Variants in C2orf49 observed in about 807,000 individuals in gnomAD.
C2orf49 encodes the protein tRNA-splicing ligase complex subunit ASW.
In C2orf49, 11 loss-of-function variants were observed where a neutral mutation model predicts 20.6. The observed-to-expected ratio is 0.53, with a 90% CI of 0.34 to 0.88. C2orf49 has a LOEUF of 0.88. Ranked by LOEUF, C2orf49 falls within the 40% of genes least tolerant of loss-of-function variation. The pLI, the probability that C2orf49 is intolerant of heterozygous loss-of-function variation, is 0.02. For missense variants in C2orf49, 289 were observed against 274.2 expected, an observed-to-expected ratio of 1.05 and a Z score of -0.38; for synonymous variants, 134 against 108.5, an observed-to-expected ratio of 1.24 and a Z score of -1.46.
chr2:105,384,845 G>A, the C2orf49 span, among the ~76,000 whole-genome samples: 21 of 152,278 alleles, frequency 1.4e-4, 1 homozygote, highest in Admixed American at 1.2e-3. Context: ...AGATGTGCAC[G>A]GAAGGGTCAA....
At chr2:105,362,472 T>A in the C2orf49 span, among the ~76,000 whole-genome samples, 1 of 152,144 alleles carries the variant, frequency 6.6e-6, no homozygotes, top group Non-Finnish European at 1.5e-5. Flanking sequence ...TTTCTGTAGT[T>A]ACACTGAAAA....
At chr2:105,355,770 TTGTGTGTGTG>T in the C2orf49 span, among the ~76,000 whole-genome samples, 14,038 of 143,096 alleles carry the variant, frequency 0.098, 730 homozygotes, top group Non-Finnish European at 0.12. Flanking sequence ...AGAAAAAATT[TTGTGTGTGTG>T]TGTGTGTGTG....
chr2:105,351,531 G>T (rs116141027), downstream of C2orf49, among the ~76,000 whole-genome samples: 775 of 152,128 alleles, frequency 5.1e-3, 7 homozygotes, highest in African/African-American at 0.017. Context: ...TATATTTTGG[G>T]TTAAAGTCTA....
At chr2:105,366,777 G>A in the C2orf49 span, among the ~76,000 whole-genome samples, 3 of 152,064 alleles carry the variant, frequency 2.0e-5, no homozygotes, top group Non-Finnish European at 2.9e-5. Context: ...ATGGAGTCTC[G>A]CTCAGTCGCC....
the C2orf49 span, chr2:105,359,005 G>A: frequency 6.6e-6 from 1 of 152,190 alleles, no homozygotes. Flanking sequence ...GCCTGCCATT[G>A]GATAAAAGGC....
intron 1 of C2orf49, among the ~76,000 whole-genome samples, chr2:105,338,093 A>T (rs1170751531): frequency 6.6e-6 from 1 of 152,168 alleles, no homozygotes; most frequent in African/African-American, 2.4e-5. Flanking sequence ...TCGTTTAAAG[A>T]TGATAAAAAC....
At chr2:105,372,956 T>TC in the C2orf49 span, among the ~76,000 whole-genome samples, 2 of 151,814 alleles carry the variant, frequency 1.3e-5, no homozygotes, top group Non-Finnish European at 2.9e-5. Flanking sequence ...AACAAATAAC[T>TC]CCCCCCACAT....
rs1435337409 is a variant in C2orf49, at chr2:105,342,945, G to T, written c.364G>T (p.Asp122Tyr). Residue 122 changes from aspartate to tyrosine, a missense_variant, in exon 3 of 4, where the codon GAT becomes TAT. Coordinates refer to ENST00000258457, the MANE Select transcript of C2orf49 (RefSeq NM_024093.3). ...SIKVKKTENG[D>Y]NDRLKPPPQA... is the part of the protein sequence containing the mutation. ...AAAAGTGAAAAAGACAGAGAATGGA[G>T]ATAATGATCGACTGAAGCCTCCCCC... is the stretch of plus-strand genomic sequence containing the variant. 1 of 1,614,100 alleles carries T rather than the reference G, an allele frequency of 6.2e-7. No individual in the cohort carries two copies. Among genetic ancestry groups the T allele is most frequent in the African/African-American group, 1.3e-5 (1 of 74,910 alleles).
the C2orf49 span, among the ~76,000 whole-genome samples, chr2:105,373,279 G>A: frequency 6.6e-6 from 1 of 152,214 alleles, no homozygotes; most frequent in African/African-American, 2.4e-5. Context: ...TGATGCAGGA[G>A]ATGTATTTTT....
the C2orf49 span, among the ~76,000 whole-genome samples, chr2:105,380,133 C>A: frequency 6.6e-6 from 1 of 152,096 alleles, no homozygotes; most frequent in East Asian, 1.9e-4. Flanking sequence ...CTCAATACTG[C>A]CAGGTTTGAT....
the C2orf49 span, among the ~76,000 whole-genome samples, chr2:105,370,059 G>A: frequency 6.6e-6 from 1 of 152,198 alleles, no homozygotes; most frequent in Non-Finnish European, 1.5e-5. Context: ...CTTGAAGAAG[G>A]GATGTCTTAA....
the C2orf49 span, among the ~76,000 whole-genome samples, chr2:105,370,995 C>T: frequency 1.3e-5 from 2 of 152,172 alleles, no homozygotes; most frequent in African/African-American, 4.8e-5. Flanking sequence ...TCTTGCTTCC[C>T]CCATTCCTTA....
chr2:105,361,174 A>G, the C2orf49 span: 9 of 1,117,034 alleles, frequency 8.1e-6, no homozygotes, highest in African/African-American at 3.1e-5. Context: ...GCACTAGAAG[A>G]AAGTCTCAAT....
At chr2:105,382,032 G>T in the C2orf49 span, among the ~76,000 whole-genome samples, 1 of 152,168 alleles carries the variant, frequency 6.6e-6, no homozygotes, top group Non-Finnish European at 1.5e-5. Flanking sequence ...ACCTGTATGT[G>T]TGAAAACCTT....
At chr2:105,352,429 G>GTTTTTTTTTTTTTTTTTTTTGGT (rs1679956384), downstream of C2orf49, among the ~76,000 whole-genome samples, 3 of 80,762 alleles carry the variant, frequency 3.7e-5, no homozygotes, top group Non-Finnish European at 6.4e-5. Flanking sequence ...GTTTGTTTGG[G>GTTTTTTTTTTTTTTTTTTTTGGT]TTTTTTTTTT....
the C2orf49 span, among the ~76,000 whole-genome samples, chr2:105,380,190 G>A: frequency 6.6e-6 from 1 of 152,182 alleles, no homozygotes; most frequent in Non-Finnish European, 1.5e-5. Flanking sequence ...GTCTCAGCAG[G>A]AGGGAAGATT....
At chr2:105,361,467 G>A in the C2orf49 span, 6 of 1,595,878 alleles carry the variant, frequency 3.8e-6, no homozygotes, top group East Asian at 1.3e-4. Context: ...ACCGGATGAA[G>A]AAAGTTAGAA....
chr2:105,381,401 T>C, the C2orf49 span, among the ~76,000 whole-genome samples: 25 of 152,094 alleles, frequency 1.6e-4, no homozygotes, highest in Non-Finnish European at 2.9e-4. Flanking sequence ...CCCCAGTGTA[T>C]AGACATGGAA....
intron 2 of C2orf49, 45 bp downstream of exon 2, chr2:105,339,794 A>T: frequency 1.4e-6 from 2 of 1,430,544 alleles, no homozygotes; most frequent in Non-Finnish European, 1.9e-6. Flanking sequence ...TATATAACTA[A>T]AGTTATATAT....
Sources: allele counts gnomAD v4.1 joint callset (sites outside exome capture counted in the v4.1 genomes callset), GRCh38; gene constraint gnomAD v4.1.1; transcripts MANE v1.5; gene names NCBI Gene and HGNC (gene_info 2026-07-23, HGNC 2026-07-21).